DNPEP: variants seen among roughly 807,000 people sequenced by gnomAD.
DNPEP encodes the protein aspartyl aminopeptidase.
Under a neutral mutation model 59.1 loss-of-function variants are expected in DNPEP, and 46 were observed. The ratio of observed to expected loss-of-function variants is 0.78; its 90% CI spans 0.61 to 0.99. The LOEUF is 0.99. Ranked by LOEUF, DNPEP falls within the 50% of genes least tolerant of loss-of-function variation. DNPEP has a pLI of 0.00. For synonymous variants in DNPEP, 229 were observed against 242.2 expected, an observed-to-expected ratio of 0.95 and a Z score of 0.50; for missense variants, 617 against 649.9, an observed-to-expected ratio of 0.95 and a Z score of 0.55.
chr2:219,382,984 G>C, intron 10 of DNPEP, 147 bp downstream of exon 10: 1 of 629,074 alleles, frequency 1.6e-6, no homozygotes, highest in East Asian at 2.7e-5. Context: ...TGAGTCAGAG[G>C]AGACACCAAG....
chr2:219,388,659 C>G, upstream of DNPEP: 1 of 982,376 alleles, frequency 1.0e-6, no homozygotes, highest in African/African-American at 1.7e-5. Context: ...CTCCCCGTGC[C>G]CCGGGCCTCG....
In DNPEP at chr2:219,387,170, G is replaced by C. The variant is rs577309186; in HGVS notation, c.37-7C>G. The stretch of plus-strand genomic sequence containing the variant: ...CCTTACCGTTCATGGCCACCTAGGG[G>C]AGGGGGATGCTCAGACTTTTACAAG... On this transcript the variant is annotated splice_polypyrimidine_tract_variant and splice_region_variant and intron_variant, in intron 1 of 14. Transcript: ENST00000273075. The C allele has an allele frequency of 3.9e-6, 6 of 1,553,914 alleles. No homozygotes were observed. In the African/African-American group the frequency reaches 8.2e-5, roughly 21 times the overall value.
chr2:219,381,734 G>C (rs1401095274), intron 11 of DNPEP, 150 bp from the exon 12 acceptor site: 1 of 1,005,912 alleles, frequency 9.9e-7, no homozygotes, highest in East Asian at 2.4e-5. Context: ...ACAGGGTTCC[G>C]GGCAGCCTCT....
intron 1 of DNPEP, among the ~76,000 whole-genome samples, chr2:219,398,195 A>G (rs542726634): frequency 7.9e-5 from 12 of 152,328 alleles, no homozygotes; most frequent in African/African-American, 2.6e-4. Flanking sequence ...TCAAATAGTT[A>G]AGTGGGCAGT....
chr2:219,384,265 C>T (rs1402083207), intron 9 of DNPEP, 101 bp downstream of exon 9: 2 of 1,144,576 alleles, frequency 1.7e-6, no homozygotes, highest in African/African-American at 3.1e-5. Context: ...AGACAATGGC[C>T]CTCTCTCACA....
In DNPEP at chr2:219,374,362, G is replaced by A. The variant is rs1388376109; in HGVS notation, c.1408-20C>T. On this transcript the variant is annotated intron_variant, in intron 14 of 14. Coordinates refer to ENST00000273075, the MANE Select transcript of DNPEP (RefSeq NM_012100.4). ...GAAGCCCTATAATGGGAGGCAACAT[G>A]GAGTTTGGAATTAGTGAGTGACCAG... is the stretch of plus-strand genomic sequence containing the variant. 3 of 1,612,578 alleles carry A rather than the reference G, an allele frequency of 1.9e-6. No individual in the cohort carries two copies. The highest frequency in any genetic ancestry group is 2.5e-6 in the Non-Finnish European group (3 of 1,178,614).
At chr2:219,391,659 C>T (rs184280119), upstream of DNPEP, among the ~76,000 whole-genome samples, 8 of 151,998 alleles carry the variant, frequency 5.3e-5, no homozygotes, top group African/African-American at 1.9e-4. Context: ...TCCAAGTTGG[C>T]CCCAGCACAC....
At chr2:219,399,871 G>T (rs1341809244) in intron 1 of DNPEP, 1 of 1,550,386 alleles carries the variant, frequency 6.5e-7, no homozygotes, top group East Asian at 2.4e-5. Context: ...GTTACCTTGT[G>T]GTAGCCATTG....
In DNPEP at chr2:219,375,035, G is replaced by A. The variant is rs1953316087; in HGVS notation, c.1240-13C>T. 1.2e-6 allele frequency: 2 copies of A among 1,613,668 alleles called. No individual in the cohort carries two copies. The highest frequency in any genetic ancestry group is 8.5e-7 in the Non-Finnish European group (1 of 1,179,824). On this transcript the variant is annotated splice_polypyrimidine_tract_variant and intron_variant, in intron 13 of 14. Transcript: ENST00000273075. ...GGACCATGAGATCCTAGGGAGAGCA[G>A]GAGACCCATGAGCAACATGCAGTGT...
chr2:219,397,536 G>C (rs1402938820), intron 1 of DNPEP, among the ~76,000 whole-genome samples: 1 of 152,078 alleles, frequency 6.6e-6, no homozygotes, highest in Non-Finnish European at 1.5e-5. Context: ...TAGGTTTGGG[G>C]AACAAGGAGT....
Position 219,374,936 on chromosome 2 carries a change from T to C in DNPEP, c.1326A>G (p.Leu442=). Residue 442 remains leucine, a synonymous_variant, in exon 14 of 15, where the codon TTA becomes TTG. Coordinates refer to ENST00000273075, the MANE Select transcript of DNPEP (RefSeq NM_012100.4). ...AGTGCATGGCCAGTTGGGGGCTGCC[T>C]AAATCCAGCACCCGCAGCCCCAGCC... is the stretch of plus-strand genomic sequence containing the variant. The part of the protein sequence containing the change: ...ASRLGLRVLD[L]GSPQLAMHSI... The C allele has an allele frequency of 6.2e-7, 1 of 1,614,140 alleles. No individual in the cohort carries two copies.
chr2:219,395,114 A>T (rs1197215425), intron 1 of DNPEP, among the ~76,000 whole-genome samples: 1 of 151,898 alleles, frequency 6.6e-6, no homozygotes, highest in African/African-American at 2.4e-5. Context: ...ATGCCCAGCT[A>T]ATTTTGTATT....
At chr2:219,376,357 G>A (rs1167414552) in intron 13 of DNPEP, among the ~76,000 whole-genome samples, 1 of 151,958 alleles carries the variant, frequency 6.6e-6, no homozygotes, top group African/African-American at 2.4e-5. Flanking sequence ...GCATGGTGGT[G>A]CATGCCTGTA....
At chr2:219,391,988 ACT>A (rs1298114670), upstream of DNPEP, among the ~76,000 whole-genome samples, 1 of 152,150 alleles carries the variant, frequency 6.6e-6, no homozygotes, top group Non-Finnish European at 1.5e-5. Context: ...TTTAGATAAA[ACT>A]CACACAATGA....
intron 11 of DNPEP, 35 bp downstream of exon 11, chr2:219,381,944 A>G (rs1953619252): frequency 6.2e-7 from 1 of 1,610,818 alleles, no homozygotes; most frequent in Non-Finnish European, 8.5e-7. Context: ...GTCTCCAGCT[A>G]TGTGAAGACT....
rs546700122 is a variant in DNPEP at position 219,383,294 on chromosome 2, A to G, written c.853-80T>C. The G allele has an allele frequency of 2.6e-3, 3,131 of 1,209,536 alleles. 8 individuals carry two copies. Among genetic ancestry groups the G allele is most frequent in the Non-Finnish European group, 3.6e-3 (2,947 of 820,774 alleles). The allele number at this position is 1,209,536 out of a possible 1,614,324, so 74.9% of individuals were successfully genotyped here. On this transcript the variant is annotated intron_variant, in intron 9 of 14. Coordinates refer to ENST00000273075, the MANE Select transcript of DNPEP (RefSeq NM_012100.4). Reference sequence around the variant, plus strand: ...CAGCCCACCAGCACCTTGGGTGTGCACGCTCCCCCATCCACCAGCACCTTG... The same window carrying G: ...CAGCCCACCAGCACCTTGGGTGTGCGCGCTCCCCCATCCACCAGCACCTTG...
chr2:219,386,398 G>C lies in DNPEP; in HGVS notation c.347C>G (p.Ser116Cys). 2 of 1,614,218 alleles carry C rather than the reference G, an allele frequency of 1.2e-6. No homozygotes were observed. Among genetic ancestry groups the C allele is most frequent in the Non-Finnish European group, 8.5e-7 (1 of 1,180,040 alleles). The change falls in exon 5 of 15, where the codon TCT (serine) becomes TGT (cysteine). Residue 116 changes from serine (S) to cysteine (C), a missense_variant. Ser to Cys is a moderately radical substitution (Grantham distance 112). Transcript: ENST00000273075. ...CTGGAAGCCCACCTGGCTGCGGCGA[G>C]ACCGACGTTTCACCTGAGTGTAAAG... ...DSPCLRVKRR[S>C]RRSQVGFQQV...
At position 219,399,958 on chromosome 2, in the gene DNPEP, T is replaced by G. The variant is rs1173322005; in HGVS notation, c.-176A>C. ...TGCTCACCTCCTCCCAAGGCTGGAG[T>G]GGACAGGCCTGAACCGTGTGCCTTT... On this transcript the variant is annotated 5_prime_UTR_variant, in exon 1 of 7. Transcript: ENST00000434339. 5.2e-6 allele frequency: 8 copies of G among 1,533,514 alleles called. No homozygotes were observed. The African/African-American group carries it at 1.1e-4, about 21-fold the overall frequency. 95.0% of individuals were successfully genotyped at this position (1,533,514 alleles called of 1,614,324 possible).
At chr2:219,392,698 CAG>C (rs1193763123), upstream of DNPEP, among the ~76,000 whole-genome samples, 2 of 152,140 alleles carry the variant, frequency 1.3e-5, no homozygotes, top group Admixed American at 6.6e-5. Context: ...TTAGTAGAGA[CAG>C]GGTTTCACCA....
Sources: gnomAD v4.1 joint callset for allele counts (sites outside exome capture counted in the v4.1 genomes callset) on GRCh38, gnomAD v4.1.1 for gene constraint, MANE v1.5 for transcripts, NCBI Gene and HGNC (gene_info 2026-07-23, HGNC 2026-07-21) for gene names.